PAX2: variants seen among roughly 807,000 people sequenced by gnomAD.
The protein encoded by PAX2 is paired box 2.
PAX2 carries 9 observed loss-of-function variants against 41.7 expected under a neutral mutation model. The observed-to-expected ratio is 0.22, with a 90% confidence interval of 0.13 to 0.38. PAX2 has a LOEUF of 0.38. PAX2 is among the 10% of genes least tolerant of loss of function. The pLI, the probability that PAX2 is intolerant of heterozygous loss-of-function variation, is 1.00. For synonymous variants in PAX2, 221 were observed against 212.7 expected (o/e 1.04, Z -0.34); for missense variants, 418 against 531.6 (o/e 0.79, Z 2.10).
intron 1 of PAX2, chr10:100,749,135 AAAC>A: frequency 1.0e-6 from 1 of 985,646 alleles, no homozygotes; most frequent in Non-Finnish European, 1.2e-6. Context: ...CATCAAAAAC[AAAC>A]AACACAGGAA....
At chr10:100,749,084 A>G (rs1252928530) in intron 1 of PAX2, 5 of 985,342 alleles carry the variant, frequency 5.1e-6, no homozygotes, top group South Asian at 9.4e-5. Flanking sequence ...TGAAAGAGAG[A>G]TACGGTCCCC....
intron 5 of PAX2, among the ~76,000 whole-genome samples, chr10:100,797,280 G>T (rs1005454921): frequency 2.6e-5 from 4 of 152,180 alleles, no homozygotes; most frequent in African/African-American, 7.2e-5. Context: ...CCACTTATTG[G>T]CTATCATAAG....
At chr10:100,804,610 C>T (rs1055955825) in intron 5 of PAX2, among the ~76,000 whole-genome samples, 1 of 152,190 alleles carries the variant, frequency 6.6e-6, no homozygotes, top group Non-Finnish European at 1.5e-5. Flanking sequence ...AGAAACGGGG[C>T]ATGTGGCCTC....
At chr10:100,793,956 A>G (rs1335737710) in intron 5 of PAX2, among the ~76,000 whole-genome samples, 1 of 152,144 alleles carries the variant, frequency 6.6e-6, no homozygotes, top group African/African-American at 2.4e-5. Context: ...GCCCAGACAC[A>G]TGGCTGTGTG....
Position 100,826,873 on chromosome 10 carries a change from C to T in PAX2, c.1022-136C>T. 1 of 677,006 alleles carries T rather than the reference C, an allele frequency of 1.5e-6. No homozygotes were observed. The highest frequency in any genetic ancestry group is 2.7e-6 in the Non-Finnish European group (1 of 376,558). 41.9% of individuals were successfully genotyped at this position (677,006 alleles called of 1,614,324 possible). ...GCCCCACCTCCGCCCGGCCCGCCCG[C>T]CACGGCCATTACCCTGCCCGCGACA... On this transcript the variant is annotated intron_variant, in intron 8 of 9. Coordinates refer to ENST00000355243, the MANE Select transcript of PAX2 (RefSeq NM_000278.5). This position sits in a 1 kb window ranked among gnomAD's most constrained non-coding sequence, Gnocchi z 5.5.
At chr10:100,799,320 C>T (rs1349604664) in intron 5 of PAX2, among the ~76,000 whole-genome samples, 2 of 152,220 alleles carry the variant, frequency 1.3e-5, no homozygotes, top group African/African-American at 2.4e-5. Flanking sequence ...TCAGTTTTCC[C>T]AAGACTGCTT....
At chr10:100,798,658 CT>C (rs1847424067) in intron 5 of PAX2, among the ~76,000 whole-genome samples, 1 of 152,102 alleles carries the variant, frequency 6.6e-6, no homozygotes, top group Non-Finnish European at 1.5e-5. Context: ...TCTTCCCTCC[CT>C]TCTCCTATCT....
At chr10:100,749,562 C>A in intron 1 of PAX2, 184 bp from the exon 2 acceptor site, 10 of 1,401,552 alleles carry the variant, frequency 7.1e-6, no homozygotes, top group Non-Finnish European at 8.3e-6. Context: ...TTCAGCCCAG[C>A]GTCTGTGCTT....
chr10:100,765,597 T>C (rs1845991796), intron 3 of PAX2, among the ~76,000 whole-genome samples: 1 of 152,230 alleles, frequency 6.6e-6, no homozygotes, highest in African/African-American at 2.4e-5. Flanking sequence ...ATTTTTCTTG[T>C]AGTACGAAAC....
Position 100,745,859 on chromosome 10 carries a change from G to T in PAX2, c.-402G>T, listed in dbSNP as rs985356607. The T allele has an allele frequency of 1.2e-5, 13 of 1,059,220 alleles. No individual in the cohort carries two copies. Among genetic ancestry groups the T allele is most frequent in the Non-Finnish European group, 1.4e-5 (12 of 877,514 alleles). The allele number at this position is 1,059,220 out of a possible 1,614,324, so 65.6% of individuals were successfully genotyped here. A position where few individuals can be genotyped will look rare whatever the true frequency, so the allele number is the denominator to read the frequency against. On this transcript the variant is annotated 5_prime_UTR_variant, in exon 1 of 10. Coordinates refer to ENST00000355243, the MANE Select transcript of PAX2 (RefSeq NM_000278.5). ...CCCTCTGACCGCCCCCGCCCCGCGCGCTCTCCGACCACCGCCTCTCGGATG... is the reference window on the plus strand; with the variant it reads ...CCCTCTGACCGCCCCCGCCCCGCGCTCTCTCCGACCACCGCCTCTCGGATG...
intron 5 of PAX2, among the ~76,000 whole-genome samples, chr10:100,805,797 C>A (rs1391818306): frequency 6.6e-6 from 1 of 152,162 alleles, no homozygotes; most frequent in Non-Finnish European, 1.5e-5. Flanking sequence ...CAAGCGGGAG[C>A]TTTGCTGCTC....
intron 7 of PAX2, among the ~76,000 whole-genome samples, chr10:100,821,273 A>G: frequency 6.6e-6 from 1 of 152,346 alleles, no homozygotes; most frequent in Middle Eastern, 3.4e-3. Flanking sequence ...CTGTGTGCTA[A>G]TGAAGCAATT....
exon 1 of PAX2, chr10:100,735,571 C>G: frequency 2.9e-6 from 2 of 688,240 alleles, no homozygotes; most frequent in Non-Finnish European, 3.7e-6. Flanking sequence ...CTCGGGTTAT[C>G]TGAGCCGCTT....
At chr10:100,823,358 A>G (rs12268707) in intron 7 of PAX2, among the ~76,000 whole-genome samples, 60,048 of 152,066 alleles carry the variant, frequency 0.39, 15,643 homozygotes, top group African/African-American at 0.74. Flanking sequence ...AGGGAAGGAT[A>G]AATCACTCAG....
intron 5 of PAX2, among the ~76,000 whole-genome samples, chr10:100,800,541 T>C (rs554557396): frequency 2.0e-5 from 3 of 152,276 alleles, no homozygotes; most frequent in East Asian, 3.9e-4. Context: ...TCCCAAAGTG[T>C]TGGGATTACA....
At chr10:100,743,425 A>AG (rs56132517), upstream of PAX2, among the ~76,000 whole-genome samples, 492 of 151,202 alleles carry the variant, frequency 3.3e-3, no homozygotes, top group African/African-American at 7.3e-3. Context: ...TCTGTGTGGA[A>AG]GGGGGGGGGT....
chr10:100,788,006 C>A (rs1205288671), intron 5 of PAX2, among the ~76,000 whole-genome samples: 1 of 152,092 alleles, frequency 6.6e-6, no homozygotes, highest in Non-Finnish European at 1.5e-5. Context: ...GCAGACCAGC[C>A]GTGGTGTCAC....
At chr10:100,760,550 C>T (rs977990137) in intron 3 of PAX2, among the ~76,000 whole-genome samples, 4 of 152,126 alleles carry the variant, frequency 2.6e-5, no homozygotes, top group Non-Finnish European at 5.9e-5. Flanking sequence ...TGTGTGATGG[C>T]CAGGGTGGAG....
intron 5 of PAX2, among the ~76,000 whole-genome samples, chr10:100,785,420 T>G (rs1485862961): frequency 6.6e-6 from 1 of 152,166 alleles, no homozygotes; most frequent in Non-Finnish European, 1.5e-5. Context: ...CAGGGGGCCA[T>G]GATTTTGCAT....
Sources: allele counts gnomAD v4.1 joint callset (sites outside exome capture counted in the v4.1 genomes callset), GRCh38; gene constraint gnomAD v4.1.1; non-coding constraint Gnocchi (gnomAD v3.1); transcripts MANE v1.5; gene names NCBI Gene and HGNC (gene_info 2026-07-23, HGNC 2026-07-21).